Variants in XYLT1 observed in about 807,000 individuals in gnomAD.
XYLT1 encodes the protein xylosyltransferase 1, also known as beta-D-xylosyltransferase 1.
XYLT1 carries 36 observed loss-of-function variants against 91.3 expected under a neutral mutation model. That is an observed-to-expected ratio of 0.39 (90% CI 0.30 to 0.52). The LOEUF (loss-of-function observed/expected upper bound fraction) is 0.52, where lower values mean the gene tolerates loss of function less well. Among genes scored for constraint, XYLT1 ranks in the 20% least tolerant of loss-of-function variants. XYLT1 has a pLI of 0.68. For synonymous variants in XYLT1, 588 were observed against 532.0 expected, an observed-to-expected ratio of 1.11 and a Z score of -1.45; for missense variants, 1,242 against 1,284.5, an observed-to-expected ratio of 0.97 and a Z score of 0.51.
intron 1 of XYLT1, among the ~76,000 whole-genome samples, chr16:17,407,998 C>T (rs981836101): frequency 2.0e-5 from 3 of 152,252 alleles, no homozygotes; most frequent in Admixed American, 6.5e-5. Context: ...GCCAACTCCC[C>T]TTCACCTTCC....
chr16:17,412,671 G>C (rs1049695831), intron 1 of XYLT1, among the ~76,000 whole-genome samples: 2 of 152,070 alleles, frequency 1.3e-5, no homozygotes, highest in Admixed American at 6.6e-5. Flanking sequence ...GTGGAAACAG[G>C]ACAGTTTCTT....
At chr16:17,459,979 C>T (rs914530962) in intron 1 of XYLT1, among the ~76,000 whole-genome samples, 16 of 152,200 alleles carry the variant, frequency 1.1e-4, no homozygotes, top group African/African-American at 3.6e-4. Context: ...AAGACATGAG[C>T]CCCGTCTTCC....
intron 1 of XYLT1, among the ~76,000 whole-genome samples, chr16:17,458,487 C>T (rs978696983): frequency 8.5e-5 from 13 of 152,164 alleles, no homozygotes; most frequent in Non-Finnish European, 2.9e-5. Context: ...GGGAGCAATG[C>T]AGACATCAGA....
rs543473631 is a variant in XYLT1, at chr16:17,134,565, G to A, written c.1935C>T (p.Ser645=). 288 of 1,614,130 alleles carry A rather than the reference G, an allele frequency of 1.8e-4. 3 individuals are homozygous for A. The South Asian group carries it at 2.8e-3, about 16-fold the overall frequency. ...AGTGGTACAAGGTGAGTGTCACGTC[G>A]CTCAGGCTGTGGATGCCGTCAGGCT... ...YDEPDGIHSL[S]DVTLTLYHSF... The change falls in exon 9 of 12, where the codon AGC becomes AGT. Residue 645 remains serine, a synonymous_variant. Coordinates refer to ENST00000261381, the MANE Select transcript of XYLT1 (RefSeq NM_022166.4).
chr16:17,299,670 G>T (rs1234841890), intron 2 of XYLT1, among the ~76,000 whole-genome samples: 1 of 152,150 alleles, frequency 6.6e-6, no homozygotes, highest in African/African-American at 2.4e-5. Context: ...GGAGAAGAGA[G>T]GCTTTTTGTC....
chr16:17,328,548 C>CAAAAAAAAAAAAAAAAAAAAAAAAAAA (rs71373105), intron 2 of XYLT1, among the ~76,000 whole-genome samples: 1 of 51,182 alleles, frequency 2.0e-5, no homozygotes, highest in African/African-American at 4.5e-5. Flanking sequence ...GACTCCTTCT[C>CAAAAAAAAAAAAAAAAAAAAAAAAAAA]AAAAAAAAAA....
chr16:17,394,538 T>G (rs2035860041), intron 1 of XYLT1, among the ~76,000 whole-genome samples: 1 of 152,164 alleles, frequency 6.6e-6, no homozygotes, highest in Admixed American at 6.5e-5. Flanking sequence ...CAGCACAACT[T>G]TACCCACTGT....
rs80279258 is a variant in XYLT1 at position 17,350,307 on chromosome 16, G to A, written c.402+7705C>T. ...ATCTATTTTTTGAAATGGTGCATGT[G>A]GCTGCACTTTGGGGAACTTGCTGGC... On this transcript the variant is annotated intron_variant, in intron 2 of 11. Coordinates refer to ENST00000261381, the MANE Select transcript of XYLT1 (RefSeq NM_022166.4). 7.1e-3 allele frequency among the ~76,000 whole-genome samples: 1,084 copies of A among 152,346 alleles called. 6 individuals are homozygous for A. The highest frequency in any genetic ancestry group is 0.012 in the Admixed American group (178 of 15,304).
chr16:17,391,464 T>C (rs1020728210), intron 1 of XYLT1, among the ~76,000 whole-genome samples: 2 of 152,228 alleles, frequency 1.3e-5, no homozygotes, highest in African/African-American at 4.8e-5. Context: ...CAGTCTCCCA[T>C]TCAGCCAGTT....
intron 10 of XYLT1, among the ~76,000 whole-genome samples, chr16:17,122,607 T>C (rs971417855): frequency 5.9e-5 from 9 of 152,340 alleles, no homozygotes; most frequent in African/African-American, 2.2e-4. Context: ...TATCTACTTA[T>C]CTTTGTTTTT....
At chr16:17,275,391 C>A (rs115472862) in intron 2 of XYLT1, among the ~76,000 whole-genome samples, 1,529 of 152,112 alleles carry the variant, frequency 0.01, 27 homozygotes, top group African/African-American at 0.035. Flanking sequence ...TTTCTAAAGT[C>A]CCCCCCAGGA....
intron 5 of XYLT1, among the ~76,000 whole-genome samples, chr16:17,160,743 T>C (rs541591025): frequency 1.3e-5 from 2 of 152,158 alleles, no homozygotes; most frequent in Admixed American, 1.3e-4. Flanking sequence ...CCATCGTGCA[T>C]GCCAAGGTAA....
chr16:17,114,539 C>T (rs1393860763), intron 11 of XYLT1, among the ~76,000 whole-genome samples: 2 of 152,160 alleles, frequency 1.3e-5, no homozygotes, highest in South Asian at 2.1e-4. Flanking sequence ...CTGTGTTGAT[C>T]ATGGCAGTGT....
At position 17,103,525 on chromosome 16, in the gene XYLT1, G is replaced by A. The variant is rs1966735070; in HGVS notation, c.*5170C>T. ...GTCTTCTCTGATGTTGGTGGAGATG[G>A]GAGGGAAAGGATGGATGGTCAGCTT... On this transcript the variant is annotated 3_prime_UTR_variant, in exon 12 of 12. Coordinates refer to ENST00000261381, the MANE Select transcript of XYLT1 (RefSeq NM_022166.4). 3 of 152,204 alleles carry A rather than the reference G, an allele frequency of 2.0e-5. No homozygotes were observed. The highest frequency in any genetic ancestry group is 4.1e-4 in the South Asian group (2 of 4,832). 9.4% of individuals were successfully genotyped at this position (152,204 alleles called of 1,614,324 possible). A position where few individuals can be genotyped will look rare whatever the true frequency, so the allele number is the denominator to read the frequency against.
chr16:17,360,127 G>A (rs2035361694), intron 1 of XYLT1, among the ~76,000 whole-genome samples: 1 of 152,190 alleles, frequency 6.6e-6, no homozygotes, highest in Non-Finnish European at 1.5e-5. Context: ...CTCAAAATTA[G>A]CCTCAATCTC....
intron 5 of XYLT1, among the ~76,000 whole-genome samples, chr16:17,160,948 A>T (rs184600005): frequency 1.1e-4 from 16 of 152,302 alleles, no homozygotes; most frequent in African/African-American, 3.6e-4. Context: ...ACTCTCCGCA[A>T]CAGTTCATTA....
intron 2 of XYLT1, among the ~76,000 whole-genome samples, chr16:17,262,036 T>G (rs1041670477): frequency 4.6e-5 from 7 of 152,176 alleles, no homozygotes; most frequent in African/African-American, 1.4e-4. Flanking sequence ...CAGAGGCCCT[T>G]GAAGAGTCCC....
intron 3 of XYLT1, among the ~76,000 whole-genome samples, chr16:17,255,575 T>C (rs188029276): frequency 9.2e-5 from 14 of 152,308 alleles, no homozygotes; most frequent in Non-Finnish European, 1.0e-4. Flanking sequence ...GCTGGAAACG[T>C]TGCACTCCAC....
At chr16:17,112,048 A>G (rs1966842382) in intron 11 of XYLT1, among the ~76,000 whole-genome samples, 1 of 152,176 alleles carries the variant, frequency 6.6e-6, no homozygotes. Flanking sequence ...GAAACTGACA[A>G]AAGGCAGGAC....
Sources: allele counts gnomAD v4.1 joint callset (sites outside exome capture counted in the v4.1 genomes callset), GRCh38; gene constraint gnomAD v4.1.1; transcripts MANE v1.5; gene names NCBI Gene and HGNC (gene_info 2026-07-23, HGNC 2026-07-21).